The following ROBO2 variants were observed in gnomAD, a reference collection of about 807,000 sequenced individuals.
ROBO2 encodes the protein roundabout guidance receptor 2, also known as roundabout homolog 2.
ROBO2 carries 53 observed loss-of-function variants against 160.8 expected under a neutral mutation model. That is an observed-to-expected ratio of 0.33 (90% CI 0.26 to 0.41). ROBO2 has a LOEUF of 0.41. Ranked by LOEUF, ROBO2 falls within the 10% of genes least tolerant of loss-of-function variation. ROBO2 has a pLI of 1.00. For missense variants in ROBO2, 1,577 were observed against 1,722.4 expected (o/e 0.92, Z 1.49); for synonymous variants, 664 against 611.7 (o/e 1.09, Z -1.26).
chr3:75,923,084 A>C (rs533375861), intron 1 of ROBO2, among the ~76,000 whole-genome samples: 24 of 152,228 alleles, frequency 1.6e-4, no homozygotes, highest in Non-Finnish European at 2.6e-4. Context: ...ATCAGAAAAT[A>C]TATTTCAAGA....
rs143160145 is a variant in ROBO2 at position 76,391,357 on chromosome 3, C to T, written c.109+453755C>T. ...TGCAGTAGTTTAATAACATCTGCAA[C>T]GGACGGAGCCAGTCTGCATTCCACA... is the stretch of plus-strand genomic sequence containing the variant. On this transcript the variant is annotated intron_variant, in intron 2 of 26. Coordinates refer to the ROBO2 transcript ENST00000487694. Among the ~76,000 whole-genome samples, 251 of 152,206 alleles carry T rather than the reference C, an allele frequency of 1.6e-3. 1 individual carries two copies. Among genetic ancestry groups the T allele is most frequent in the African/African-American group, 5.6e-3 (234 of 41,526 alleles).
intron 2 of ROBO2, among the ~76,000 whole-genome samples, chr3:77,228,179 T>C (rs1051476592): frequency 2.0e-5 from 3 of 152,140 alleles, no homozygotes; most frequent in African/African-American, 7.2e-5. Flanking sequence ...TTTTGTTTCT[T>C]TTTTTGAGAC....
chr3:75,980,294 A>G (rs1481757667), intron 2 of ROBO2, among the ~76,000 whole-genome samples: 3 of 151,610 alleles, frequency 2.0e-5, no homozygotes, highest in Non-Finnish European at 4.4e-5. Flanking sequence ...TCAGTGCTTG[A>G]AAACGGAAAA....
intron 12 of ROBO2, among the ~76,000 whole-genome samples, chr3:77,565,670 TATAA>T (rs1269980592): frequency 6.6e-6 from 1 of 152,100 alleles, no homozygotes; most frequent in Non-Finnish European, 1.5e-5. Flanking sequence ...GATGCTGATG[TATAA>T]GTTTTACAAC....
At chr3:76,434,117 A>C in intron 2 of ROBO2, 1 of 1,238,482 alleles carries the variant, frequency 8.1e-7, no homozygotes, top group Non-Finnish European at 1.2e-6. Context: ...GTATGGAGAC[A>C]GCTCCATATG....
chr3:77,371,269 C>T (rs1184958312), intron 2 of ROBO2, among the ~76,000 whole-genome samples: 3 of 152,178 alleles, frequency 2.0e-5, no homozygotes. Flanking sequence ...TGAATGATTG[C>T]TTAACTGTTT....
At chr3:77,070,067 G>A (rs899113102) in intron 1 of ROBO2, among the ~76,000 whole-genome samples, 2 of 152,114 alleles carry the variant, frequency 1.3e-5, no homozygotes, top group Non-Finnish European at 2.9e-5. Context: ...ATATGAAGAT[G>A]ATGAGAGGTT....
At chr3:76,843,610 A>G (rs2068505201) in intron 2 of ROBO2, among the ~76,000 whole-genome samples, 1 of 151,936 alleles carries the variant, frequency 6.6e-6, no homozygotes, top group Non-Finnish European at 1.5e-5. Flanking sequence ...TACTTTCAAG[A>G]TTTGATGGAC....
chr3:77,513,458 GA>G (rs1390270488), intron 5 of ROBO2, among the ~76,000 whole-genome samples: 3 of 151,682 alleles, frequency 2.0e-5, no homozygotes. Flanking sequence ...TGTTTATGAG[GA>G]AAAAATAACA....
At chr3:77,252,831 A>AAAAAAATATATATATATATAT in intron 2 of ROBO2, among the ~76,000 whole-genome samples, 1 of 12,514 alleles carries the variant, frequency 8.0e-5, no homozygotes, top group African/African-American at 1.6e-4. Context: ...AAAAAAAAAA[A>AAAAAAATATATATATATATAT]ATATATATAT....
chr3:77,304,175 A>T (rs1196629713), intron 2 of ROBO2, among the ~76,000 whole-genome samples: 1 of 152,164 alleles, frequency 6.6e-6, no homozygotes, highest in Non-Finnish European at 1.5e-5. Flanking sequence ...TACCAGATGG[A>T]GCTTGTCAGA....
chr3:76,484,926 G>A lies in ROBO2; in HGVS notation c.109+547324G>A, dbSNP rs1055257483. 4.6e-5 allele frequency among the ~76,000 whole-genome samples: 7 copies of A among 151,902 alleles called. No homozygotes were observed. The South Asian group carries it at 6.2e-4, about 14-fold the overall frequency. Reference sequence around the variant, plus strand: ...CATTTTTTCTCAATCCTGTCACTACGCAGGGCCCTATTTGGTCAACTATCT... The same window carrying A: ...CATTTTTTCTCAATCCTGTCACTACACAGGGCCCTATTTGGTCAACTATCT... On this transcript the variant is annotated intron_variant, in intron 2 of 26. Transcript: ENST00000487694.
At chr3:76,489,546 AG>A (rs2079698598) in intron 2 of ROBO2, among the ~76,000 whole-genome samples, 1 of 152,204 alleles carries the variant, frequency 6.6e-6, no homozygotes, top group Non-Finnish European at 1.5e-5. Context: ...GTAAGTAAGT[AG>A]TAAGAAGTTT....
At chr3:76,033,846 G>A (rs531624427) in intron 2 of ROBO2, among the ~76,000 whole-genome samples, 3 of 152,182 alleles carry the variant, frequency 2.0e-5, no homozygotes, top group East Asian at 3.9e-4. Flanking sequence ...TTCTACCTGC[G>A]GCCTGTCACC....
At chr3:77,217,883 C>G (rs1019082288) in intron 2 of ROBO2, among the ~76,000 whole-genome samples, 1 of 152,060 alleles carries the variant, frequency 6.6e-6, no homozygotes, top group African/African-American at 2.4e-5. Flanking sequence ...GACAAAAGAA[C>G]CGAAAAAAGT....
rs1004180353 is a variant in ROBO2, at chr3:77,448,451, C to T, written c.389-28963C>T. Among the ~76,000 whole-genome samples, 10 of 152,166 alleles carry T rather than the reference C, an allele frequency of 6.6e-5. No homozygotes were observed. The East Asian group carries it at 1.2e-3, about 18-fold the overall frequency. ...AGGTAAGATCAAGAGAAGAACCATT[C>T]GGCAAAGTCGGCCCTAATCTCTGAC... On this transcript the variant is annotated intron_variant, in intron 2 of 25. Transcript: ENST00000461745.
At chr3:77,117,463 T>C (rs963361709) in intron 2 of ROBO2, among the ~76,000 whole-genome samples, 5 of 152,178 alleles carry the variant, frequency 3.3e-5, no homozygotes, top group African/African-American at 1.2e-4. Context: ...CCAAGGGAGT[T>C]CTAGTAATAA....
chr3:76,360,412 A>T (rs909146401), intron 2 of ROBO2, among the ~76,000 whole-genome samples: 3 of 152,068 alleles, frequency 2.0e-5, no homozygotes, highest in South Asian at 2.1e-4. Context: ...AGAATATTTT[A>T]AAAAAATTTA....
chr3:76,991,126 C>G (rs541417369), intron 2 of ROBO2, among the ~76,000 whole-genome samples: 3 of 152,108 alleles, frequency 2.0e-5, no homozygotes, highest in African/African-American at 4.8e-5. Flanking sequence ...ACTTTCACGA[C>G]GGCTCTAAAA....
Sources: allele counts gnomAD v4.1 joint callset (sites outside exome capture counted in the v4.1 genomes callset), GRCh38; gene constraint gnomAD v4.1.1; transcripts MANE v1.5; gene names NCBI Gene and HGNC (gene_info 2026-07-23, HGNC 2026-07-21).